Variants in SESTD1 observed in about 807,000 individuals in gnomAD.
SESTD1 encodes SEC14 and spectrin domain containing 1, also known as SEC14 domain and spectrin repeat-containing protein 1.
A neutral mutation model predicts 101.7 loss-of-function variants in SESTD1; 43 were observed. The ratio of observed to expected loss-of-function variants is 0.42; its 90% CI spans 0.33 to 0.55. The LOEUF (loss-of-function observed/expected upper bound fraction) is 0.55, where lower values mean the gene tolerates loss of function less well. Ranked by LOEUF, SESTD1 falls within the 20% of genes least tolerant of loss-of-function variation. SESTD1 has a pLI of 0.07. For missense variants in SESTD1, 647 were observed against 815.1 expected, an observed-to-expected ratio of 0.79 and a Z score of 2.51; for synonymous variants, 283 against 286.8, an observed-to-expected ratio of 0.99 and a Z score of 0.13.
At chr2:179,116,983 A>T (rs367912836) in intron 14 of SESTD1, among the ~76,000 whole-genome samples, 193 bp from the exon 15 acceptor site, 12 of 152,338 alleles carry the variant, frequency 7.9e-5, no homozygotes, top group African/African-American at 2.4e-4. Context: ...AAATTCTTTA[A>T]ATCTGAAGGC....
At chr2:179,161,083 T>C (rs2045727228) in intron 5 of SESTD1, among the ~76,000 whole-genome samples, 1 of 151,300 alleles carries the variant, frequency 6.6e-6, no homozygotes, top group Admixed American at 6.6e-5. Context: ...AGCTTTTTTT[T>C]TTTTTTTTTT....
In SESTD1 at chr2:179,150,030, C is replaced by T. The variant is rs565511868; in HGVS notation, c.484-636G>A. On this transcript the variant is annotated intron_variant, in intron 6 of 17. Coordinates refer to ENST00000428443, the MANE Select transcript of SESTD1 (RefSeq NM_178123.5). Reference sequence around the variant, plus strand: ...GTTGCTTGAGCCCAGGAGTTCATGACTGGCCTGGGCAACATGGAGACTCCA... The same window carrying T: ...GTTGCTTGAGCCCAGGAGTTCATGATTGGCCTGGGCAACATGGAGACTCCA... Among the ~76,000 whole-genome samples the T allele has an allele frequency of 2.3e-4, 35 of 152,042 alleles. No homozygotes were observed. In the South Asian group the frequency reaches 7.3e-3, roughly 32 times the overall value.
At chr2:179,132,505 C>T in intron 9 of SESTD1, 79 bp from the exon 10 acceptor site, 1 of 1,442,508 alleles carries the variant, frequency 6.9e-7, no homozygotes. Flanking sequence ...TTTTTCCCCT[C>T]CCAAAGTTCC....
In SESTD1 at chr2:179,109,376, C is replaced by CTT. The variant is rs1164729388; in HGVS notation, c.*521_*522dup. 1.8e-5 allele frequency: 4 copies of CTT among 222,690 alleles called. No homozygotes were observed. Among genetic ancestry groups the CTT allele is most frequent in the African/African-American group, 4.5e-5 (2 of 44,476 alleles). 13.8% of individuals were successfully genotyped at this position (222,690 alleles called of 1,614,324 possible). On this transcript the variant is annotated 3_prime_UTR_variant, in exon 18 of 18. Coordinates refer to ENST00000428443, the MANE Select transcript of SESTD1 (RefSeq NM_178123.5). The stretch of plus-strand genomic sequence containing the variant: ...ATTATCAATACAAATAGGAAAAGGT[C>CTT]TTTTAATGACTATGATATATCAAAG...
chr2:179,136,742 AAAG>A (rs1314090808), intron 9 of SESTD1, among the ~76,000 whole-genome samples: 2 of 151,146 alleles, frequency 1.3e-5, no homozygotes, highest in African/African-American at 2.4e-5. Flanking sequence ...TCTAGAAACA[AAAG>A]AAGCAGGTTA....
chr2:179,196,246 G>T (rs777573148), intron 1 of SESTD1, among the ~76,000 whole-genome samples: 1 of 152,192 alleles, frequency 6.6e-6, no homozygotes, highest in East Asian at 1.9e-4. Context: ...GCGCTTTTCC[G>T]ACGGGCTTAA....
chr2:179,191,265 T>A (rs976819851), intron 2 of SESTD1, among the ~76,000 whole-genome samples: 1 of 152,200 alleles, frequency 6.6e-6, no homozygotes, highest in Admixed American at 6.5e-5. Flanking sequence ...AGGGAAATCA[T>A]GCCCTTTGCC....
chr2:179,245,562 C>T (rs968514603), intron 1 of SESTD1, among the ~76,000 whole-genome samples: 6 of 142,786 alleles, frequency 4.2e-5, no homozygotes, highest in African/African-American at 1.6e-4. Context: ...TATGGTGGCA[C>T]ACACCTATGG....
chr2:179,117,457 C>G, intron 14 of SESTD1, 75 bp downstream of exon 14: 1 of 1,314,130 alleles, frequency 7.6e-7, no homozygotes, highest in South Asian at 1.4e-5. Context: ...ATGAAAAGTA[C>G]ACTTTTGTTT....
chr2:179,168,795 CA>C (rs997470460), intron 5 of SESTD1, among the ~76,000 whole-genome samples: 1 of 151,858 alleles, frequency 6.6e-6, no homozygotes, highest in Non-Finnish European at 1.5e-5. Flanking sequence ...TTATCTGTAG[CA>C]AAAAAATGCA....
chr2:179,132,479 C>T, intron 9 of SESTD1, 53 bp from the exon 10 acceptor site: 1 of 1,526,480 alleles, frequency 6.6e-7, no homozygotes, highest in Non-Finnish European at 8.7e-7. Context: ...ACTTTTCAAA[C>T]TTTCATTCTA....
intron 1 of SESTD1, among the ~76,000 whole-genome samples, chr2:179,242,037 C>CATTATAATATG (rs1378737643): frequency 3.3e-5 from 5 of 151,862 alleles, no homozygotes; most frequent in African/African-American, 1.2e-4. Context: ...TATCTGTTTT[C>CATTATAATATG]ATTATAATAT....
chr2:179,172,602 T>C (rs1218493932), intron 4 of SESTD1, among the ~76,000 whole-genome samples: 2 of 152,180 alleles, frequency 1.3e-5, no homozygotes, highest in Non-Finnish European at 2.9e-5. Context: ...AACACAATCA[T>C]CTTGGAGAAT....
intron 3 of SESTD1, among the ~76,000 whole-genome samples, chr2:179,177,971 C>A (rs1013115088): frequency 2.0e-5 from 3 of 152,162 alleles, no homozygotes; most frequent in Admixed American, 2.0e-4. Context: ...TGAATGATTC[C>A]ATTTATATGA....
chr2:179,189,028 T>C (rs1192353535), intron 2 of SESTD1, among the ~76,000 whole-genome samples: 1 of 152,292 alleles, frequency 6.6e-6, no homozygotes, highest in Non-Finnish European at 1.5e-5. Flanking sequence ...CCAATCCTAC[T>C]GAAATTATTC....
Position 179,209,918 on chromosome 2 carries a change from C to G in SESTD1, c.-25-18052G>C, listed in dbSNP as rs1210442118. On this transcript the variant is annotated intron_variant, in intron 1 of 17. Coordinates refer to ENST00000428443, the MANE Select transcript of SESTD1 (RefSeq NM_178123.5). The stretch of plus-strand genomic sequence containing the variant: ...CAAAAAAAGATAAATGAAAAAAAAG[C>G]TGGTTCTTTGAAGAGATAAACAAAA... Among the ~76,000 whole-genome samples, 4 of 133,824 alleles carry G rather than the reference C, an allele frequency of 3.0e-5. 1 individual carries two copies. The highest frequency in any genetic ancestry group is 1.2e-4 in the African/African-American group (4 of 33,916). 87.8% of individuals were successfully genotyped at this position (133,824 alleles called of 152,430 possible).
intron 2 of SESTD1, among the ~76,000 whole-genome samples, chr2:179,183,461 G>A (rs1273061784): frequency 1.3e-5 from 2 of 152,040 alleles, no homozygotes; most frequent in East Asian, 1.9e-4. Context: ...TGTCCTTAAT[G>A]TAATCAATTC....
intron 5 of SESTD1, among the ~76,000 whole-genome samples, chr2:179,154,696 T>C (rs1036220996): frequency 3.3e-5 from 5 of 152,122 alleles, no homozygotes; most frequent in Non-Finnish European, 5.9e-5. Context: ...ATATGCAGAC[T>C]ACTGGAAACT....
At chr2:179,168,196 A>G (rs960840044) in intron 5 of SESTD1, among the ~76,000 whole-genome samples, 3 of 152,058 alleles carry the variant, frequency 2.0e-5, no homozygotes, top group African/African-American at 7.2e-5. Context: ...CTTCCTCCTC[A>G]GCCTCAAGAC....
Sources: gnomAD v4.1 joint callset for allele counts (sites outside exome capture counted in the v4.1 genomes callset) on GRCh38, gnomAD v4.1.1 for gene constraint, MANE v1.5 for transcripts, NCBI Gene and HGNC (gene_info 2026-07-23, HGNC 2026-07-21) for gene names.